The following LCOR variants were observed in gnomAD, a reference collection of about 807,000 sequenced individuals.
LCOR encodes the protein ligand dependent nuclear receptor corepressor, also known as ligand-dependent corepressor.
A neutral mutation model predicts 64.4 loss-of-function variants in LCOR; 14 were observed. That is an observed-to-expected ratio of 0.22 (90% CI 0.14 to 0.34). LCOR has a LOEUF of 0.34. LCOR is among the 10% of genes least tolerant of loss of function. The probability of loss-of-function intolerance (pLI) is 1.00; values close to 1 mark genes in which losing one functional copy is unlikely to be tolerated. For missense variants in LCOR, 1,686 were observed against 1,765.3 expected, an observed-to-expected ratio of 0.96 and a Z score of 0.80; for synonymous variants, 643 against 642.5, an observed-to-expected ratio of 1.00 and a Z score of -0.01.
rs148116227 is a variant in LCOR at position 96,914,935 on chromosome 10, G to A, written c.-184+7188G>A. The stretch of plus-strand genomic sequence containing the variant: ...TATTGGGGGTCAGGTCCCAACAGAT[G>A]TCTGGATTTAAGGGAGTTAAGTCTG... On this transcript the variant is annotated intron_variant, in intron 4 of 7. Transcript: ENST00000421806. Among the ~76,000 whole-genome samples, 128 of 152,316 alleles carry A rather than the reference G, an allele frequency of 8.4e-4. 1 individual carries two copies. The highest frequency in any genetic ancestry group is 2.9e-3 in the African/African-American group (120 of 41,566).
chr10:96,958,316 T>TTA, intron 7 of LCOR: 1 of 1,524,674 alleles, frequency 6.6e-7, no homozygotes, highest in East Asian at 2.5e-5. Context: ...GTAGTCTATA[T>TTA]AAGTGATGTA....
chr10:96,943,768 T>G (rs1219962831), intron 4 of LCOR, among the ~76,000 whole-genome samples: 4 of 151,372 alleles, frequency 2.6e-5, no homozygotes, highest in Non-Finnish European at 1.5e-5. Context: ...AAAAAAAGCC[T>G]TCTGTCTGAA....
intron 4 of LCOR, among the ~76,000 whole-genome samples, chr10:96,940,902 G>A (rs1364131707): frequency 1.3e-5 from 2 of 151,550 alleles, no homozygotes; most frequent in Non-Finnish European, 2.9e-5. Context: ...CCGGGCAGAA[G>A]TGCCCCCCAC....
intron 2 of LCOR, among the ~76,000 whole-genome samples, chr10:96,891,674 CT>C (rs1358032138): frequency 6.7e-6 from 1 of 150,050 alleles, no homozygotes; most frequent in East Asian, 2.0e-4. Context: ...TCCTGAGTAG[CT>C]GGGATTACAG....
intron 2 of LCOR, among the ~76,000 whole-genome samples, chr10:96,880,163 G>C (rs1335955563): frequency 6.6e-6 from 1 of 152,106 alleles, no homozygotes. Flanking sequence ...GGTTTAAACT[G>C]ATATTGCCCC....
intron 7 of LCOR, chr10:96,959,218 C>G (rs916301186): frequency 6.6e-6 from 1 of 151,994 alleles, no homozygotes; most frequent in Non-Finnish European, 1.5e-5. Flanking sequence ...AGAGATTGGT[C>G]TATTAGCATG....
chr10:96,868,605 C>A (rs1167782315), intron 2 of LCOR, among the ~76,000 whole-genome samples: 1 of 152,064 alleles, frequency 6.6e-6, no homozygotes, highest in Non-Finnish European at 1.5e-5. Context: ...TCATCAAATT[C>A]TTAAGATAAA....
chr10:96,978,429 GTCTTT>G (rs1564644762), intron 7 of LCOR, among the ~76,000 whole-genome samples: 1 of 152,138 alleles, frequency 6.6e-6, no homozygotes, highest in Admixed American at 6.5e-5. Context: ...AGCTGCTTTC[GTCTTT>G]TCTTTCCTTT....
intron 4 of LCOR, among the ~76,000 whole-genome samples, chr10:96,908,327 ATAAT>A (rs1411881772): frequency 1.3e-5 from 2 of 152,220 alleles, no homozygotes; most frequent in African/African-American, 4.8e-5. Context: ...ACTAGGCAGA[ATAAT>A]TAATTGTCTC....
Position 96,983,677 on chromosome 10 carries a change from G to A in LCOR, c.3217G>A (p.Glu1073Lys). ...AAQVNPIMPKENGASESGDPL... is the reference protein window; with the variant it reads ...AAQVNPIMPKKNGASESGDPL... ...ACAAGTAAACCCCATAATGCCAAAGGAAAATGGAGCTTCAGAGAGTGGAGA... is the reference window on the plus strand; with the variant it reads ...ACAAGTAAACCCCATAATGCCAAAGAAAAATGGAGCTTCAGAGAGTGGAGA... Residue 1073 changes from glutamate (E) to lysine (K), a missense_variant, in exon 8 of 8, where the codon GAA (glutamate) becomes AAA (lysine). Around this residue, in one of 3 missense-constraint regions of LCOR, gnomAD observed 1,293 missense variants for 1,410.4 expected, o/e 0.92. Coordinates refer to ENST00000421806, the MANE Select transcript of LCOR (RefSeq NM_001346516.2). The surrounding 1 kb of genome is among the most constrained non-coding windows in gnomAD (Gnocchi z 4.5). 1 of 1,614,146 alleles carries A rather than the reference G, an allele frequency of 6.2e-7. No individual in the cohort carries two copies. The highest frequency in any genetic ancestry group is 8.5e-7 in the Non-Finnish European group (1 of 1,180,030).
In LCOR at chr10:96,992,909, C is replaced by T. The variant is rs973689351; in HGVS notation, c.*7775C>T. ...TGCACCTTGACTTTGCTCGTGAGCA[C>T]CTGGCTTTCCTCTTCCTCCTTCTCC... On this transcript the variant is annotated 3_prime_UTR_variant, in exon 8 of 8. Coordinates refer to ENST00000421806, the MANE Select transcript of LCOR (RefSeq NM_001346516.2). 5.2e-5 allele frequency: 8 copies of T among 152,442 alleles called. No individual in the cohort carries two copies. Among genetic ancestry groups the T allele is most frequent in the Non-Finnish European group, 1.0e-4 (7 of 68,204 alleles). The allele number at this position is 152,442 out of a possible 1,614,324, so 9.4% of individuals were successfully genotyped here.
intron 2 of LCOR, among the ~76,000 whole-genome samples, chr10:96,844,114 CCCCTCCCTCCCTTCCTTCCCT>C (rs1275193484): frequency 1.8e-3 from 162 of 88,588 alleles, no homozygotes; most frequent in Non-Finnish European, 2.6e-3. Flanking sequence ...CCTTCCTTCC[CCCCTCCCTCCCTTCCTTCCCT>C]CCCTCCCTCC....
In LCOR at chr10:96,983,394, G is replaced by A. The variant is rs773480654; in HGVS notation, c.2934G>A (p.Glu978=). 7 of 1,614,162 alleles carry A rather than the reference G, an allele frequency of 4.3e-6. No individual in the cohort carries two copies. The East Asian group carries it at 1.6e-4, about 36-fold the overall frequency. ...GGGACCCAGAACAGGCAAAAGAAGA[G>A]CCAGGGCATATTCCCACACAGCATG... ...CKRDPEQAKE[E]PGHIPTQHVE... Residue 978 remains glutamate (E), a synonymous_variant, in exon 8 of 8, where the codon GAG becomes GAA. Transcript: ENST00000421806. The surrounding 1 kb of genome is among the most constrained non-coding windows in gnomAD (Gnocchi z 4.5).
At chr10:96,873,555 GA>G in intron 2 of LCOR, among the ~76,000 whole-genome samples, 1 of 129,292 alleles carries the variant, frequency 7.7e-6, no homozygotes, top group African/African-American at 2.9e-5. Flanking sequence ...TTTGTTTTTC[GA>G]TACACACACA....
intron 2 of LCOR, among the ~76,000 whole-genome samples, chr10:96,879,973 CT>C (rs1448515717): frequency 3.3e-5 from 5 of 152,128 alleles, no homozygotes; most frequent in African/African-American, 1.2e-4. Context: ...GATACTGTAT[CT>C]TTATGATTCT....
In LCOR at chr10:96,989,696, T is replaced by TG. The variant is rs1491204310; in HGVS notation, c.*4562_*4563insG. ...AAGGATATATATATATATATATATA[T>TG]TTTTTTTTTTTTTTTTTTTTTTTAA... On this transcript the variant is annotated 3_prime_UTR_variant, in exon 8 of 8. Transcript: ENST00000421806. 1 of 64,674 alleles carries TG rather than the reference T, an allele frequency of 1.5e-5. No individual in the cohort carries two copies. The highest frequency in any genetic ancestry group is 5.0e-4 in the South Asian group (1 of 1,998). The allele number at this position is 64,674 out of a possible 1,614,324, so 4.0% of individuals were successfully genotyped here.
intron 2 of LCOR, among the ~76,000 whole-genome samples, chr10:96,876,867 G>A (rs1202777006): frequency 6.6e-6 from 1 of 152,084 alleles, no homozygotes; most frequent in Non-Finnish European, 1.5e-5. Flanking sequence ...CTAATTTCTT[G>A]TATTTTTAGT....
intron 2 of LCOR, among the ~76,000 whole-genome samples, chr10:96,840,264 C>T (rs981492146): frequency 5.3e-5 from 8 of 152,138 alleles, no homozygotes; most frequent in Admixed American, 2.6e-4. Context: ...TCCTTTGTTT[C>T]ATGTTTTAAT....
At chr10:96,909,135 C>T (rs949275781) in intron 4 of LCOR, among the ~76,000 whole-genome samples, 4 of 152,008 alleles carry the variant, frequency 2.6e-5, no homozygotes, top group Non-Finnish European at 4.4e-5. Context: ...TCTTAGTCTT[C>T]TTCAGTCTCT....
Sources: gnomAD v4.1 joint callset for allele counts (sites outside exome capture counted in the v4.1 genomes callset) on GRCh38, gnomAD v4.1.1 for gene constraint, gnomAD v4.1.1 regional missense constraint, Gnocchi (gnomAD v3.1) non-coding constraint, MANE v1.5 for transcripts, NCBI Gene and HGNC (gene_info 2026-07-23, HGNC 2026-07-21) for gene names.